Variants in LCNL1 observed in about 807,000 individuals in gnomAD.
LCNL1 encodes the protein lipocalin like 1.
LCNL1 carries 11 observed loss-of-function variants against 7.9 expected under a neutral mutation model. The ratio of observed to expected loss-of-function variants is 1.40; its 90% CI spans 0.88 to 2.32. The LOEUF (loss-of-function observed/expected upper bound fraction) is 2.32. Among genes scored for constraint, LCNL1 ranks in the 30% most tolerant of loss-of-function variants. The pLI, the probability that LCNL1 is intolerant of heterozygous loss-of-function variation, is 0.00. For missense variants in LCNL1, 218 were observed against 217.0 expected (o/e 1.00, Z -0.03); for synonymous variants, 90 against 92.5 (o/e 0.97, Z 0.15).
chr9:136,984,714 C>A lies in LCNL1; in HGVS notation c.198C>A (p.Ala66=). 6.6e-7 allele frequency: 1 copy of A among 1,525,386 alleles called. No homozygotes were observed. Among genetic ancestry groups the A allele is most frequent in the South Asian group, 1.3e-5 (1 of 77,894 alleles). 94.5% of individuals were successfully genotyped at this position (1,525,386 alleles called of 1,614,324 possible). Reference sequence around the variant, plus strand: ...GGTCAGCGGCTCTCGCTCCTCCAGCCATGGCCCTGAGTGACATCCGAGTGG... The same window carrying A: ...GGTCAGCGGCTCTCGCTCCTCCAGCAATGGCCCTGAGTGACATCCGAGTGG... ...GAVPGQFSNP[A]MALSDIRVAF... is the part of the protein sequence containing the mutation. Residue 66 remains alanine, a splice_region_variant and synonymous_variant, in exon 3 of 3, where the codon GCC becomes GCA. Transcript: ENST00000408973.
intron 1 of LCNL1, 176 bp from the exon 2 acceptor site, chr9:136,984,314 C>T (rs1830473052): frequency 1.8e-6 from 1 of 570,138 alleles, no homozygotes; most frequent in East Asian, 3.2e-5. Flanking sequence ...GTACTTAATA[C>T]CCACCCCACC....
Position 136,983,713 on chromosome 9 carries a change from G to A in LCNL1, c.122+5G>A. 1 of 1,613,282 alleles carries A rather than the reference G, an allele frequency of 6.2e-7. No homozygotes were observed. Among genetic ancestry groups the A allele is most frequent in the African/African-American group, 1.3e-5 (1 of 75,054 alleles). On this transcript the variant is annotated splice_donor_5th_base_variant and intron_variant, in intron 1 of 2. Transcript: ENST00000408973. The stretch of plus-strand genomic sequence containing the variant: ...CCTCAAGTTTGGATACCCCACGTAA[G>A]TGACCACACGAGCCCATCAGACTCA...
chr9:136,984,181 GTGTGTC>G (rs1412999349), intron 1 of LCNL1: 25 of 456,980 alleles, frequency 5.5e-5, no homozygotes, highest in Middle Eastern at 5.5e-4. Flanking sequence ...GTGTCTGTCA[GTGTGTC>G]TGTGTCTGTG....
intron 1 of LCNL1, 121 bp downstream of exon 1, chr9:136,983,829 C>A: frequency 7.2e-7 from 1 of 1,379,424 alleles, no homozygotes; most frequent in Non-Finnish European, 1.0e-6. Flanking sequence ...GGGTCCTCGA[C>A]GGCTCTGTGC....
chr9:136,985,166 G>C lies in LCNL1; in HGVS notation c.*155G>C. 4 of 728,830 alleles carry C rather than the reference G, an allele frequency of 5.5e-6. No individual in the cohort carries two copies. The South Asian group carries it at 7.7e-5, about 14-fold the overall frequency. The allele number at this position is 728,830 out of a possible 1,614,324, so 45.1% of individuals were successfully genotyped here. A position where few individuals can be genotyped will look rare whatever the true frequency, so the allele number is the denominator to read the frequency against. On this transcript the variant is annotated 3_prime_UTR_variant, in exon 3 of 3. Transcript: ENST00000408973. ...AGCGGTGCCGGCAGCCCTGCTGGGA[G>C]GGCCAGGCCCCGGGTCACACCCCTG...
intron 2 of LCNL1, 53 bp from the exon 3 acceptor site, chr9:136,984,660 C>A: frequency 6.6e-7 from 1 of 1,513,528 alleles, no homozygotes; most frequent in Admixed American, 2.1e-5. Context: ...AGGGGTGCCA[C>A]GCTCGGGGGG....
chr9:136,983,804 T>C (rs546501177), intron 1 of LCNL1, 96 bp downstream of exon 1: 8 of 1,553,352 alleles, frequency 5.2e-6, no homozygotes, highest in African/African-American at 2.7e-5. Flanking sequence ...CCCCAGCACA[T>C]TGAGGTCAGA....
rs376248166 is a variant in LCNL1, at chr9:136,984,800, G to C, written c.284G>C (p.Arg95Pro). The C allele has an allele frequency of 1.3e-6, 2 of 1,578,830 alleles. No individual in the cohort carries two copies. The highest frequency in any genetic ancestry group is 8.6e-7 in the Non-Finnish European group (1 of 1,161,184). ...LYLEMRKGGLRNQWLQLYGGR... is the reference protein window; with the variant it reads ...LYLEMRKGGLPNQWLQLYGGR... ...TTGGAGATGCGGAAAGGGGGCCTGC[G>C]GAACCAGTGGCTGCAGCTCTACGGT... Residue 95 changes from arginine to proline, a missense_variant, in exon 3 of 3, where the codon CGG becomes CCG. Transcript: ENST00000408973.
Position 136,984,923 on chromosome 9 carries a change from C to A in LCNL1, c.407C>A (p.Thr136Asn). ...HQPFLHAEGG[T>N]AGSWCLWPRV... ...CCCTTTCTGCACGCGGAAGGTGGAA[C>A]CGCTGGCTCCTGGTGTCTGTGGCCG... Residue 136 changes from threonine (T) to asparagine (N), a missense_variant, in exon 3 of 3, where the codon ACC (threonine) becomes AAC (asparagine). Coordinates refer to ENST00000408973, the MANE Select transcript of LCNL1 (RefSeq NM_207510.4). 1 of 1,554,056 alleles carries A rather than the reference C, an allele frequency of 6.4e-7. No individual in the cohort carries two copies. The highest frequency in any genetic ancestry group is 2.4e-5 in the East Asian group (1 of 41,168).
intron 2 of LCNL1, 36 bp from the exon 3 acceptor site, chr9:136,984,677 C>T: frequency 1.3e-6 from 2 of 1,514,656 alleles, no homozygotes; most frequent in Non-Finnish European, 8.9e-7. Flanking sequence ...GGGGGAGGTG[C>T]CCTGGGCCTG....
chr9:136,984,829 C>T lies in LCNL1; in HGVS notation c.313C>T (p.Arg105Trp), dbSNP rs763514532. Residue 105 changes from arginine to tryptophan, a missense_variant, in exon 3 of 3, where the codon CGG becomes TGG. By Grantham distance (101) the Arg-to-Trp change is moderately radical. Coordinates refer to ENST00000408973, the MANE Select transcript of LCNL1 (RefSeq NM_207510.4). ...RNQWLQLYGG[R>W]AAGRRPRHPR... is the part of the protein sequence containing the mutation. ...CCAGTGGCTGCAGCTCTACGGTGGG[C>T]GGGCTGCGGGGCGGAGACCCAGACA... The T allele has an allele frequency of 3.2e-6, 5 of 1,571,392 alleles. No homozygotes were observed. The highest frequency in any genetic ancestry group is 1.9e-5 in the Admixed American group (1 of 52,894).
In LCNL1 at chr9:136,984,484, C is replaced by A; in HGVS notation, c.123-6C>A. On this transcript the variant is annotated splice_region_variant and splice_polypyrimidine_tract_variant and intron_variant, in intron 1 of 2. Transcript: ENST00000408973. ...CACTCAGGGGATTGGGGCTCTTTCT[C>A]CCCAGGCCCCATGGCGGGTGCCAGA... is the stretch of plus-strand genomic sequence containing the variant. 6.4e-7 allele frequency: 1 copy of A among 1,561,076 alleles called. No individual in the cohort carries two copies. The highest frequency in any genetic ancestry group is 2.3e-5 in the East Asian group (1 of 42,766).
intron 1 of LCNL1, 125 bp from the exon 2 acceptor site, chr9:136,984,364 TC>T (rs1830473366): frequency 1.2e-6 from 1 of 858,062 alleles, no homozygotes; most frequent in Admixed American, 3.5e-5. Flanking sequence ...CATCCTAAAG[TC>T]CCATGTCCTC....
In LCNL1 at chr9:136,984,584, G is replaced by C. The variant is rs1410139063; in HGVS notation, c.196+21G>C. On this transcript the variant is annotated intron_variant, in intron 2 of 2. Transcript: ENST00000408973. The stretch of plus-strand genomic sequence containing the variant: ...CCCAGGTGAGGTGGGGCAGCAGGCA[G>C]GGCTGTGGCGTGGGGGCCCTGGAGG... The C allele has an allele frequency of 2.6e-6, 4 of 1,546,652 alleles. No individual in the cohort carries two copies. The African/African-American group carries it at 5.4e-5, about 21-fold the overall frequency.
At position 136,984,703 on chromosome 9, in the gene LCNL1, G is replaced by T. The variant is rs769804033; in HGVS notation, c.197-10G>T. 2 of 1,516,556 alleles carry T rather than the reference G, an allele frequency of 1.3e-6. No homozygotes were observed. Among genetic ancestry groups the T allele is most frequent in the Non-Finnish European group, 1.8e-6 (2 of 1,129,510 alleles). 93.9% of individuals were successfully genotyped at this position (1,516,556 alleles called of 1,614,324 possible). On this transcript the variant is annotated splice_polypyrimidine_tract_variant and intron_variant, in intron 2 of 2. Coordinates refer to ENST00000408973, the MANE Select transcript of LCNL1 (RefSeq NM_207510.4). ...CCTGGGCCTGGGGTCAGCGGCTCTC[G>T]CTCCTCCAGCCATGGCCCTGAGTGA...
rs767122756 is a variant in LCNL1 at position 136,984,927 on chromosome 9, T to C, written c.411T>C (p.Ala137=). Residue 137 remains alanine (A), a synonymous_variant, in exon 3 of 3, where the codon GCT becomes GCC. Coordinates refer to ENST00000408973, the MANE Select transcript of LCNL1 (RefSeq NM_207510.4). ...TTCTGCACGCGGAAGGTGGAACCGC[T>C]GGCTCCTGGTGTCTGTGGCCGCGGG... is the stretch of plus-strand genomic sequence containing the variant. The part of the protein sequence containing the change: ...QPFLHAEGGT[A]GSWCLWPRVP... 4.5e-6 allele frequency: 7 copies of C among 1,552,778 alleles called. No homozygotes were observed. In the South Asian group the frequency reaches 8.3e-5, roughly 18 times the overall value.
Position 136,984,831 on chromosome 9 carries a change from G to C in LCNL1, c.315G>C (p.Arg105=). 2 of 1,571,028 alleles carry C rather than the reference G, an allele frequency of 1.3e-6. No individual in the cohort carries two copies. The highest frequency in any genetic ancestry group is 1.7e-6 in the Non-Finnish European group (2 of 1,157,804). Residue 105 remains arginine, a synonymous_variant, in exon 3 of 3, where the codon CGG becomes CGC. Transcript: ENST00000408973. The part of the protein sequence containing the change: ...RNQWLQLYGG[R]AAGRRPRHPR... ...AGTGGCTGCAGCTCTACGGTGGGCG[G>C]GCTGCGGGGCGGAGACCCAGACACC...
chr9:136,984,785 G>T lies in LCNL1; in HGVS notation c.269G>T (p.Arg90Leu). The part of the protein sequence containing the change: ...QHFALLYLEM[R>L]KGGLRNQWLQ... Reference sequence around the variant, plus strand: ...TTTGCCTTGCTGTACTTGGAGATGCGGAAAGGGGGCCTGCGGAACCAGTGG... The same window carrying T: ...TTTGCCTTGCTGTACTTGGAGATGCTGAAAGGGGGCCTGCGGAACCAGTGG... The change falls in exon 3 of 3, where the codon CGG becomes CTG. Residue 90 changes from arginine (R) to leucine (L), a missense_variant. By Grantham distance (102) the Arg-to-Leu change is moderately radical. Transcript: ENST00000408973. 8.3e-6 allele frequency: 13 copies of T among 1,574,380 alleles called. No homozygotes were observed. Among genetic ancestry groups the T allele is most frequent in the Non-Finnish European group, 1.1e-5 (13 of 1,157,072 alleles).
In LCNL1 at chr9:136,983,632, G is replaced by A; in HGVS notation, c.46G>A (p.Asp16Asn). ...SDDQDFLDSK[D>N]TMKMAVVLVT... ...TGACCAGGACTTCCTGGACTCCAAG[G>A]ACACCATGAAGATGGCTGTGGTCTT... The change falls in exon 1 of 3, where the codon GAC becomes AAC. Residue 16 changes from aspartate to asparagine, a missense_variant. By Grantham distance (23) the Asp-to-Asn change is conservative (BLOSUM62 1). Coordinates refer to ENST00000408973, the MANE Select transcript of LCNL1 (RefSeq NM_207510.4). The A allele has an allele frequency of 6.2e-7, 1 of 1,614,064 alleles. No individual in the cohort carries two copies. Among genetic ancestry groups the A allele is most frequent in the Non-Finnish European group, 8.5e-7 (1 of 1,180,006 alleles).
Sources: allele counts gnomAD v4.1 joint callset, GRCh38; gene constraint gnomAD v4.1.1; transcripts MANE v1.5; gene names NCBI Gene and HGNC (gene_info 2026-07-23, HGNC 2026-07-21).